Variants in SLC39A10 observed in about 807,000 individuals in gnomAD.
The protein encoded by SLC39A10 is solute carrier family 39 member 10.
In SLC39A10, 13 loss-of-function variants were observed where a neutral mutation model predicts 65.1. The observed-to-expected ratio is 0.20, with a 90% confidence interval of 0.13 to 0.32. The LOEUF is 0.32. Among genes scored for constraint, SLC39A10 ranks in the 10% least tolerant of loss-of-function variants. The pLI, the probability that SLC39A10 is intolerant of heterozygous loss-of-function variation, is 1.00. For missense variants in SLC39A10, 831 were observed against 1,018.4 expected, an observed-to-expected ratio of 0.82 and a Z score of 2.50; for synonymous variants, 321 against 342.2, an observed-to-expected ratio of 0.94 and a Z score of 0.68.
At chr2:195,631,357 G>A (rs2105697061) in intron 2 of SLC39A10, among the ~76,000 whole-genome samples, 1 of 151,956 alleles carries the variant, frequency 6.6e-6, no homozygotes, top group Admixed American at 6.6e-5. Context: ...TTAAAAAAAA[G>A]AGAGATCAAA....
intron 3 of SLC39A10, among the ~76,000 whole-genome samples, chr2:195,684,175 A>G (rs555660534): frequency 1.3e-5 from 2 of 152,214 alleles, no homozygotes; most frequent in South Asian, 2.1e-4. Flanking sequence ...TAGATTTGTG[A>G]TAAGTTGATT....
chr2:195,716,396 C>T (rs1181054259), intron 6 of SLC39A10, among the ~76,000 whole-genome samples: 2 of 152,070 alleles, frequency 1.3e-5, no homozygotes, highest in African/African-American at 4.8e-5. Flanking sequence ...TTAAATCTCC[C>T]CCCAAACCCA....
intron 1 of SLC39A10, among the ~76,000 whole-genome samples, chr2:195,675,127 T>C (rs1313478366): frequency 6.6e-6 from 1 of 152,080 alleles, no homozygotes; most frequent in Admixed American, 6.5e-5. Context: ...GAGGGAAATA[T>C]TTTTCTCCCT....
intron 2 of SLC39A10, among the ~76,000 whole-genome samples, chr2:195,618,655 G>C (rs1346167379): frequency 6.6e-6 from 1 of 152,158 alleles, no homozygotes; most frequent in Non-Finnish European, 1.5e-5. Flanking sequence ...TGCTATCCTG[G>C]TGTAGAATTT....
chr2:195,697,253 T>C (rs1322007136), intron 3 of SLC39A10, among the ~76,000 whole-genome samples: 1 of 152,150 alleles, frequency 6.6e-6, no homozygotes. Context: ...TTATGCTATA[T>C]TACATAAGGC....
chr2:195,662,281 T>A (rs1253376774), intron 1 of SLC39A10, among the ~76,000 whole-genome samples: 1 of 151,962 alleles, frequency 6.6e-6, no homozygotes, highest in East Asian at 1.9e-4. Flanking sequence ...TCCCTTTTTT[T>A]TTTTTTTGTG....
At chr2:195,652,132 C>T (rs1047983923), upstream of SLC39A10, among the ~76,000 whole-genome samples, 1 of 151,986 alleles carries the variant, frequency 6.6e-6, no homozygotes. Context: ...TAGGTGGATT[C>T]GAAGATTTTC....
intron 1 of SLC39A10, among the ~76,000 whole-genome samples, chr2:195,660,814 C>T (rs1689364703): frequency 6.6e-6 from 1 of 152,170 alleles, no homozygotes; most frequent in Non-Finnish European, 1.5e-5. Flanking sequence ...TTCTCCTTAT[C>T]TTGAATGATA....
intron 2 of SLC39A10, among the ~76,000 whole-genome samples, chr2:195,683,026 C>A (rs901936292): frequency 6.6e-6 from 1 of 151,940 alleles, no homozygotes; most frequent in Non-Finnish European, 1.5e-5. Flanking sequence ...GTGCCAATCT[C>A]TTTTGCCGTA....
At chr2:195,683,581 A>G (rs533091341) in intron 2 of SLC39A10, 118 bp from the exon 3 acceptor site, 4 of 729,478 alleles carry the variant, frequency 5.5e-6, no homozygotes, top group Admixed American at 2.8e-5. Context: ...ATAGATATCT[A>G]TGTATTACAG....
At chr2:195,659,914 T>TG (rs1559019828) in intron 1 of SLC39A10, among the ~76,000 whole-genome samples, 1 of 151,994 alleles carries the variant, frequency 6.6e-6, no homozygotes, top group Non-Finnish European at 1.5e-5. Context: ...ACTGGGCCTT[T>TG]GGGGGGGATA....
intron 1 of SLC39A10, among the ~76,000 whole-genome samples, chr2:195,667,979 A>C (rs1287121289): frequency 6.6e-6 from 1 of 152,242 alleles, no homozygotes; most frequent in Non-Finnish European, 1.5e-5. Context: ...ACAGAAATTA[A>C]CAGTCCCACT....
intron 2 of SLC39A10, among the ~76,000 whole-genome samples, chr2:195,635,246 A>G (rs1431128122): frequency 6.6e-6 from 1 of 152,182 alleles, no homozygotes; most frequent in East Asian, 1.9e-4. Flanking sequence ...ACTTCCACGT[A>G]TCTTGTTAAA....
chr2:195,702,225 T>C (rs1691218520), intron 3 of SLC39A10, among the ~76,000 whole-genome samples: 1 of 152,204 alleles, frequency 6.6e-6, no homozygotes, highest in South Asian at 2.1e-4. Flanking sequence ...TGTCTCTGCC[T>C]GTACTTCTGT....
intron 2 of SLC39A10, among the ~76,000 whole-genome samples, chr2:195,630,101 ATATG>A (rs1444139949): frequency 2.5e-5 from 2 of 81,314 alleles, no homozygotes; most frequent in Non-Finnish European, 4.4e-5. Context: ...AACTCATTTT[ATATG>A]TGTGTGTGTG....
intron 2 of SLC39A10, among the ~76,000 whole-genome samples, chr2:195,631,007 G>A (rs1688573354): frequency 6.6e-6 from 1 of 152,070 alleles, no homozygotes; most frequent in African/African-American, 2.4e-5. Flanking sequence ...TGGCCAACAG[G>A]GTGAAATCCT....
At chr2:195,671,591 G>A (rs188310233) in intron 1 of SLC39A10, 1 of 152,306 alleles carries the variant, frequency 6.6e-6, no homozygotes, top group Non-Finnish European at 1.5e-5. Context: ...TCCTATAAAT[G>A]TCAGTTTTTA....
At chr2:195,717,125 C>A in intron 7 of SLC39A10, 120 bp downstream of exon 7, 1 of 1,349,484 alleles carries the variant, frequency 7.4e-7, no homozygotes, top group Non-Finnish European at 1.0e-6. Context: ...TGATTTTTCC[C>A]AAAGGCTACA....
At chr2:195,654,216 G>A (rs1689102338), upstream of SLC39A10, among the ~76,000 whole-genome samples, 1 of 152,096 alleles carries the variant, frequency 6.6e-6, no homozygotes, top group African/African-American at 2.4e-5. Flanking sequence ...TGGGATTACA[G>A]GCGTGAGCCA....
Sources: allele counts gnomAD v4.1 joint callset (sites outside exome capture counted in the v4.1 genomes callset), GRCh38; gene constraint gnomAD v4.1.1; transcripts MANE v1.5; gene names NCBI Gene and HGNC (gene_info 2026-07-23, HGNC 2026-07-21).